Variants in RCAN2 observed in about 807,000 individuals in gnomAD.
RCAN2 encodes regulator of calcineurin 2.
Under a neutral mutation model 23.6 loss-of-function variants are expected in RCAN2, and 9 were observed. The observed-to-expected ratio is 0.38, with a 90% confidence interval of 0.23 to 0.67. RCAN2 has a LOEUF of 0.67. RCAN2 is among the 30% of genes least tolerant of loss of function. The pLI is 0.51. For synonymous variants in RCAN2, 109 were observed against 115.7 expected, an observed-to-expected ratio of 0.94 and a Z score of 0.37; for missense variants, 273 against 302.3, an observed-to-expected ratio of 0.90 and a Z score of 0.72.
In RCAN2 at chr6:46,314,354, T is replaced by C. The variant is rs1763356385; in HGVS notation, c.226-65458A>G. Among the ~76,000 whole-genome samples the C allele has an allele frequency of 1.2e-4, 10 of 81,108 alleles. No homozygotes were observed. The South Asian group carries it at 4.7e-3, about 38-fold the overall frequency. 53.2% of individuals were successfully genotyped at this position (81,108 alleles called of 152,430 possible). On this transcript the variant is annotated intron_variant, in intron 2 of 4. Coordinates refer to ENST00000371374, the MANE Select transcript of RCAN2 (RefSeq NM_001251974.2). ...TAAAGCCTGGGCAACAGAGTGAGAC[T>C]CTGTCAAAAAAAAAAAAAAAAAAAA...
intron 1 of RCAN2, among the ~76,000 whole-genome samples, chr6:46,464,442 C>T (rs1414647673): frequency 6.6e-6 from 1 of 151,990 alleles, no homozygotes; most frequent in Non-Finnish European, 1.5e-5. Flanking sequence ...TTTTGATTTG[C>T]CCTTTGGGTG....
intron 4 of RCAN2, 150 bp downstream of exon 4, chr6:46,246,598 C>CAAT: frequency 1.5e-6 from 1 of 669,228 alleles, no homozygotes; most frequent in Non-Finnish European, 2.5e-6. Flanking sequence ...CATTCTCATC[C>CAAT]ATCATTCCCT....
intron 2 of RCAN2, among the ~76,000 whole-genome samples, chr6:46,410,762 C>T (rs1466356892): frequency 1.3e-5 from 2 of 152,164 alleles, no homozygotes; most frequent in Non-Finnish European, 2.9e-5. Flanking sequence ...CTTCTTTGAA[C>T]TACTCAAAAA....
chr6:46,287,689 T>C (rs1198409847), intron 2 of RCAN2, among the ~76,000 whole-genome samples: 1 of 152,270 alleles, frequency 6.6e-6, no homozygotes, highest in African/African-American at 2.4e-5. Flanking sequence ...TTCATTGTCA[T>C]AGATTTAACC....
intron 3 of RCAN2, among the ~76,000 whole-genome samples, chr6:46,247,410 A>G (rs1170326539): frequency 1.3e-5 from 2 of 152,222 alleles, no homozygotes; most frequent in African/African-American, 4.8e-5. Context: ...CCTAACCTGC[A>G]ACAACCACTT....
Position 46,223,015 on chromosome 6 carries a change from G to T in RCAN2, c.*126C>A. 1 of 983,926 alleles carries T rather than the reference G, an allele frequency of 1.0e-6. No homozygotes were observed. Among genetic ancestry groups the T allele is most frequent in the Non-Finnish European group, 1.5e-6 (1 of 650,204 alleles). 60.9% of individuals were successfully genotyped at this position (983,926 alleles called of 1,614,324 possible). ...CCTAGCCCTTTTGTCCGAGAGGCTT[G>T]ATAACAAGGAAGGAATCTCAAACAA... On this transcript the variant is annotated 3_prime_UTR_variant, in exon 5 of 5. Coordinates refer to ENST00000371374, the MANE Select transcript of RCAN2 (RefSeq NM_001251974.2).
intron 2 of RCAN2, among the ~76,000 whole-genome samples, chr6:46,334,208 A>G (rs1764071016): frequency 6.6e-6 from 1 of 152,092 alleles, no homozygotes; most frequent in Non-Finnish European, 1.5e-5. Context: ...TTTTCTTCCA[A>G]GCACTGACCA....
At chr6:46,444,194 G>T (rs912272122) in intron 2 of RCAN2, among the ~76,000 whole-genome samples, 1 of 152,172 alleles carries the variant, frequency 6.6e-6, no homozygotes, top group African/African-American at 2.4e-5. Context: ...TAAGCTCCCT[G>T]AGTCAAGACA....
intron 2 of RCAN2, among the ~76,000 whole-genome samples, chr6:46,267,381 G>GA (rs979549441): frequency 3.7e-4 from 56 of 152,006 alleles, no homozygotes; most frequent in African/African-American, 1.1e-3. Flanking sequence ...AAGTTTATCA[G>GA]AAAAAAAGAA....
intron 2 of RCAN2, among the ~76,000 whole-genome samples, chr6:46,250,300 A>T (rs1766665670): frequency 1.3e-5 from 2 of 152,236 alleles, no homozygotes; most frequent in African/African-American, 4.8e-5. Context: ...CCTCTTAGCC[A>T]TAAAAATATC....
At chr6:46,334,565 G>A (rs1307439250) in intron 2 of RCAN2, among the ~76,000 whole-genome samples, 1 of 152,210 alleles carries the variant, frequency 6.6e-6, no homozygotes, top group Non-Finnish European at 1.5e-5. Context: ...GGATGGTGGG[G>A]TGGGGGCAGG....
At chr6:46,268,340 T>C (rs190261066) in intron 2 of RCAN2, among the ~76,000 whole-genome samples, 4 of 152,352 alleles carry the variant, frequency 2.6e-5, no homozygotes. Flanking sequence ...TCATTTGTGT[T>C]ATTATAGCAA....
chr6:46,408,549 G>C lies in RCAN2; in HGVS notation c.225+48203C>G, dbSNP rs536560944. Among the ~76,000 whole-genome samples the C allele has an allele frequency of 3.3e-5, 5 of 152,246 alleles. No individual in the cohort carries two copies. The East Asian group carries it at 9.7e-4, about 29-fold the overall frequency. On this transcript the variant is annotated intron_variant, in intron 2 of 4. Coordinates refer to ENST00000371374, the MANE Select transcript of RCAN2 (RefSeq NM_001251974.2). ...TAGTAATGGTGAAAGACAGATGCTA[G>C]GCACTGCCACTAGGACTCTTAGTGC...
chr6:46,359,431 G>T (rs998289314), intron 2 of RCAN2, among the ~76,000 whole-genome samples: 1 of 152,200 alleles, frequency 6.6e-6, no homozygotes, highest in Non-Finnish European at 1.5e-5. Flanking sequence ...TCAACATTCG[G>T]CCTAGAGTCT....
rs376599201 is a variant in RCAN2, at chr6:46,226,959, C to A, written c.572-3658G>T. On this transcript the variant is annotated intron_variant, in intron 4 of 4. Coordinates refer to ENST00000371374, the MANE Select transcript of RCAN2 (RefSeq NM_001251974.2). ...ACTCTTATTACTTTTGAGATATGTT[C>A]CATCAATACCTAATTTATTGAGAGT... 6.5e-4 allele frequency among the ~76,000 whole-genome samples: 99 copies of A among 152,216 alleles called. No homozygotes were observed. The South Asian group carries it at 0.012, about 19-fold the overall frequency.
intron 2 of RCAN2, among the ~76,000 whole-genome samples, chr6:46,296,597 C>T (rs1434599377): frequency 6.6e-6 from 1 of 151,910 alleles, no homozygotes; most frequent in Non-Finnish European, 1.5e-5. Flanking sequence ...TTTATCTTCC[C>T]TATATGTTAT....
chr6:46,261,693 C>T (rs1248053939), intron 2 of RCAN2, among the ~76,000 whole-genome samples: 1 of 152,078 alleles, frequency 6.6e-6, no homozygotes, highest in Non-Finnish European at 1.5e-5. Flanking sequence ...ATAGGAATGT[C>T]AGCAAAATGT....
chr6:46,383,935 G>A (rs892215662), intron 2 of RCAN2, among the ~76,000 whole-genome samples: 1 of 152,100 alleles, frequency 6.6e-6, no homozygotes, highest in African/African-American at 2.4e-5. Flanking sequence ...CCCTGTACCA[G>A]GGATTACTGA....
chr6:46,470,560 CA>C (rs1158313588), intron 1 of RCAN2, among the ~76,000 whole-genome samples: 1 of 152,192 alleles, frequency 6.6e-6, no homozygotes, highest in Non-Finnish European at 1.5e-5. Flanking sequence ...CTCTACCTTT[CA>C]GATGTCAGTG....
Sources: allele counts gnomAD v4.1 joint callset (sites outside exome capture counted in the v4.1 genomes callset), GRCh38; gene constraint gnomAD v4.1.1; transcripts MANE v1.5; gene names NCBI Gene and HGNC (gene_info 2026-07-23, HGNC 2026-07-21).